DHDDS: variants seen among roughly 807,000 people sequenced by gnomAD.
DHDDS encodes dehydrodolichyl diphosphate synthase complex subunit DHDDS.
Under a neutral mutation model 46.2 loss-of-function variants are expected in DHDDS, and 16 were observed. The ratio of observed to expected loss-of-function variants is 0.35; its 90% confidence interval spans 0.23 to 0.53. The LOEUF is 0.53. Ranked by LOEUF, DHDDS falls within the 20% of genes least tolerant of loss-of-function variation. The pLI is 0.94. For missense variants in DHDDS, 340 were observed against 423.7 expected (o/e 0.80, Z 1.73); for synonymous variants, 151 against 163.1 (o/e 0.93, Z 0.56).
chr1:26,443,804 C>T (rs1048804825), intron 4 of DHDDS, among the ~76,000 whole-genome samples: 3 of 152,078 alleles, frequency 2.0e-5, no homozygotes, highest in African/African-American at 7.2e-5. Context: ...CCTAAGGAGC[C>T]GGGGATGGAG....
At chr1:26,438,635 G>A (rs1301236923) in intron 3 of DHDDS, 1 of 315,730 alleles carries the variant, frequency 3.2e-6, no homozygotes, top group African/African-American at 2.2e-5. Context: ...TGAGGTGGGA[G>A]GACTATCTGA....
chr1:26,435,305 C>T (rs1306167520), intron 2 of DHDDS, among the ~76,000 whole-genome samples: 21 of 151,962 alleles, frequency 1.4e-4, no homozygotes, highest in Admixed American at 9.8e-4. Flanking sequence ...CCACTGCGCC[C>T]GGCTGAAAAG....
At chr1:26,468,869 C>T (rs756417465) in intron 8 of DHDDS, 26 bp from the exon 9 acceptor site, 1 of 1,613,250 alleles carries the variant, frequency 6.2e-7, no homozygotes, top group East Asian at 2.2e-5. Context: ...GATCTCCCCA[C>T]CCCAATCCCC....
At chr1:26,438,123 T>C (rs779902731) in intron 2 of DHDDS, 45 bp from the exon 3 acceptor site, 5 of 1,599,048 alleles carry the variant, frequency 3.1e-6, no homozygotes, top group Non-Finnish European at 4.3e-6. Flanking sequence ...CCTTTATCCC[T>C]GAAGAATATG....
chr1:26,444,237 T>C (rs2075245456), intron 4 of DHDDS, among the ~76,000 whole-genome samples: 1 of 152,206 alleles, frequency 6.6e-6, no homozygotes, highest in Admixed American at 6.5e-5. Context: ...GAGGTGCTTT[T>C]CCATTAATGT....
In DHDDS at chr1:26,442,844, G is replaced by T. The variant is rs2075232193; in HGVS notation, c.294G>T (p.Arg98=). 4 of 1,614,106 alleles carry T rather than the reference G, an allele frequency of 2.5e-6. No individual in the cohort carries two copies. The Admixed American group carries it at 6.7e-5, about 27-fold the overall frequency. The stretch of plus-strand genomic sequence containing the variant: ...TAGACGGGCTTATGGATCTGGCCCG[G>T]CAGAAGTTCAGCCGCTTGATGGAAG... ...SEVDGLMDLA[R]QKFSRLMEEK... is the part of the protein sequence containing the mutation. The change falls in exon 4 of 9, where the codon CGG becomes CGT. Residue 98 remains arginine, a synonymous_variant. Transcript: ENST00000236342.
At chr1:26,466,627 C>T (rs2075490597) in intron 8 of DHDDS, among the ~76,000 whole-genome samples, 1 of 152,220 alleles carries the variant, frequency 6.6e-6, no homozygotes, top group Admixed American at 6.5e-5. Flanking sequence ...GCCCCCATTG[C>T]TGGCATGCAC....
chr1:26,463,147 A>C (rs372647272), intron 8 of DHDDS, among the ~76,000 whole-genome samples: 15 of 152,318 alleles, frequency 9.8e-5, no homozygotes, highest in African/African-American at 3.6e-4. Context: ...TCTGAGTTGC[A>C]TTTTGTAAAA....
At chr1:26,438,088 A>G (rs977067015) in intron 2 of DHDDS, 80 bp from the exon 3 acceptor site, 5 of 1,457,992 alleles carry the variant, frequency 3.4e-6, no homozygotes, top group Non-Finnish European at 4.8e-6. Context: ...TAGCCCAAAC[A>G]TATCACCTTG....
intron 6 of DHDDS, among the ~76,000 whole-genome samples, chr1:26,450,233 G>A (rs2075306775): frequency 6.6e-6 from 1 of 152,180 alleles, no homozygotes; most frequent in Admixed American, 6.5e-5. Flanking sequence ...AAAGCTCACT[G>A]AAGCTTGGAA....
intron 6 of DHDDS, among the ~76,000 whole-genome samples, chr1:26,451,216 A>G (rs1289680599): frequency 6.6e-6 from 1 of 152,194 alleles, no homozygotes; most frequent in Non-Finnish European, 1.5e-5. Flanking sequence ...TGGTGTGCTC[A>G]GACTGGGCTA....
At chr1:26,450,444 G>C (rs1035137084) in intron 6 of DHDDS, among the ~76,000 whole-genome samples, 4 of 152,202 alleles carry the variant, frequency 2.6e-5, no homozygotes, top group Non-Finnish European at 5.9e-5. Context: ...ACTCAGCCCT[G>C]CCTGTTAAGG....
chr1:26,454,172 C>T (rs1195449295), intron 6 of DHDDS, among the ~76,000 whole-genome samples: 1 of 152,150 alleles, frequency 6.6e-6, no homozygotes, highest in Non-Finnish European at 1.5e-5. Context: ...CCAGGATGGT[C>T]TCGACCTCCT....
intron 3 of DHDDS, among the ~76,000 whole-genome samples, chr1:26,439,890 C>T (rs960798464): frequency 2.0e-5 from 3 of 152,214 alleles, no homozygotes; most frequent in Admixed American, 2.0e-4. Context: ...CCTGTAATCC[C>T]AGCACTTTGG....
intron 3 of DHDDS, 182 bp downstream of exon 3, chr1:26,438,466 T>C: frequency 1.6e-6 from 1 of 607,220 alleles, no homozygotes; most frequent in East Asian, 3.2e-5. Context: ...TGCTTTTGCC[T>C]CTAATCCCAC....
chr1:26,454,530 T>C (rs2075352748), intron 6 of DHDDS: 1 of 575,706 alleles, frequency 1.7e-6, no homozygotes, highest in South Asian at 2.2e-5. Context: ...CTCAAATCTA[T>C]TATTTCATTT....
intron 7 of DHDDS, among the ~76,000 whole-genome samples, chr1:26,459,579 A>C (rs989247789): frequency 6.6e-6 from 1 of 152,244 alleles, no homozygotes; most frequent in Non-Finnish European, 1.5e-5. Flanking sequence ...ATTCAAAGCC[A>C]GGCAGTCTGG....
rs369540117 is a variant in DHDDS, at chr1:26,451,493, T to C, written c.542+3833T>C. Among the ~76,000 whole-genome samples, 9 of 152,004 alleles carry C rather than the reference T, an allele frequency of 5.9e-5. No individual in the cohort carries two copies. In the East Asian group the frequency reaches 1.5e-3, roughly 26 times the overall value. ...TTTTCTGAGATGGAGTCTTGCTCTG[T>C]TGCCCAGGGTGAAGTGCAGTGGCAC... On this transcript the variant is annotated intron_variant, in intron 6 of 8. Coordinates refer to ENST00000236342, the MANE Select transcript of DHDDS (RefSeq NM_205861.3).
intron 3 of DHDDS, chr1:26,438,746 CAAAG>C (rs1419894413): frequency 5.7e-6 from 1 of 175,304 alleles, no homozygotes; most frequent in Admixed American, 5.4e-5. Context: ...ATGACATTAA[CAAAG>C]AAGTAATCAT....
Sources: gnomAD v4.1 joint callset for allele counts (sites outside exome capture counted in the v4.1 genomes callset) on GRCh38, gnomAD v4.1.1 for gene constraint, MANE v1.5 for transcripts, NCBI Gene and HGNC (gene_info 2026-07-23, HGNC 2026-07-21) for gene names.